The following MAP2K6 variants were observed in gnomAD, a reference collection of about 807,000 sequenced individuals.
MAP2K6 encodes mitogen-activated protein kinase kinase 6.
Under a neutral mutation model 53.7 loss-of-function variants are expected in MAP2K6, and 16 were observed. The observed-to-expected ratio is 0.30, with a 90% CI of 0.20 to 0.45. MAP2K6 has a LOEUF of 0.45. Among genes scored for constraint, MAP2K6 ranks in the 20% least tolerant of loss-of-function variants. The pLI is 1.00. For missense variants in MAP2K6, 204 were observed against 411.9 expected, an observed-to-expected ratio of 0.50 and a Z score of 4.37; for synonymous variants, 132 against 143.1, an observed-to-expected ratio of 0.92 and a Z score of 0.55.
chr17:69,510,807 T>C (rs1255764792), intron 2 of MAP2K6, among the ~76,000 whole-genome samples: 1 of 152,070 alleles, frequency 6.6e-6, no homozygotes, highest in East Asian at 1.9e-4. Context: ...CATCCTTTTT[T>C]TTTTTCCCTG....
In MAP2K6 at chr17:69,523,506, G is replaced by A. The variant is rs1186373928; in HGVS notation, c.536-8G>A. On this transcript the variant is annotated splice_polypyrimidine_tract_variant and splice_region_variant and intron_variant, in intron 7 of 11. Transcript: ENST00000590474. Reference sequence around the variant, plus strand: ...AAATGATGGCATCCTGGTTGTTTTCGCTTTCAGACGTCAAGCCTTCTAATG... The same window carrying A: ...AAATGATGGCATCCTGGTTGTTTTCACTTTCAGACGTCAAGCCTTCTAATG... The A allele has an allele frequency of 7.4e-6, 12 of 1,612,900 alleles. No homozygotes were observed. Among genetic ancestry groups the A allele is most frequent in the Admixed American group, 1.7e-5 (1 of 59,974 alleles).
chr17:69,505,717 C>G lies in MAP2K6; in HGVS notation c.17-63C>G, dbSNP rs528160593. ...GGTCAGCTCTTTCCTTTGCCGCAGT[C>G]TCTTTCTCTGCTATCTTGCTATGAT... On this transcript the variant is annotated intron_variant, in intron 1 of 11. Transcript: ENST00000590474. 5.2e-6 allele frequency: 7 copies of G among 1,345,848 alleles called. No homozygotes were observed. The African/African-American group carries it at 1.0e-4, about 19-fold the overall frequency. 83.4% of individuals were successfully genotyped at this position (1,345,848 alleles called of 1,614,324 possible). A position where few individuals can be genotyped will look rare whatever the true frequency, so the allele number is the denominator to read the frequency against.
rs1434777001 is a variant in MAP2K6, at chr17:69,547,547, T to A, written c.*5794T>A. The A allele has an allele frequency of 6.6e-6, 1 of 152,276 alleles. No homozygotes were observed. The highest frequency in any genetic ancestry group is 6.5e-5 in the Admixed American group (1 of 15,292). 9.4% of individuals were successfully genotyped at this position (152,276 alleles called of 1,614,324 possible). A position where few individuals can be genotyped will look rare whatever the true frequency, so the allele number is the denominator to read the frequency against. ...ATATAAAACTCTGATTAACTAGATA[T>A]GTAGAGTTCTTCCATTTTAGTGACT... On this transcript the variant is annotated 3_prime_UTR_variant, in exon 12 of 12. Coordinates refer to ENST00000590474, the MANE Select transcript of MAP2K6 (RefSeq NM_002758.4).
intron 1 of MAP2K6, among the ~76,000 whole-genome samples, chr17:69,436,031 A>C (rs78289620): frequency 1.3e-5 from 2 of 152,044 alleles, no homozygotes; most frequent in Non-Finnish European, 2.9e-5. Context: ...AAAAAAAAAA[A>C]AACAAATGTG....
intron 1 of MAP2K6, among the ~76,000 whole-genome samples, chr17:69,466,229 T>C (rs1270562470): frequency 6.7e-6 from 1 of 149,568 alleles, no homozygotes; most frequent in Admixed American, 6.7e-5. Flanking sequence ...GAGGCGGAGG[T>C]TGCAGTGAGC....
chr17:69,520,231 TCA>T, intron 5 of MAP2K6, 37 bp from the exon 6 acceptor site: 1 of 1,028,074 alleles, frequency 9.7e-7, no homozygotes, highest in Non-Finnish European at 1.5e-6. Flanking sequence ...TCTCCCTTTT[TCA>T]TCCTTTTAAA....
In MAP2K6 at chr17:69,542,353, C is replaced by T. The variant is rs1416600171; in HGVS notation, c.*600C>T. 6.6e-6 allele frequency: 1 copy of T among 152,544 alleles called. No individual in the cohort carries two copies. The highest frequency in any genetic ancestry group is 1.5e-5 in the Non-Finnish European group (1 of 68,030). The allele number at this position is 152,544 out of a possible 1,614,324, so 9.4% of individuals were successfully genotyped here. On this transcript the variant is annotated 3_prime_UTR_variant, in exon 12 of 12. Transcript: ENST00000590474. ...GAGCTCTTCTTGTGAAATGTCTGTT[C>T]CAGCTGTTGTGACTGCTGCCATTTT... is the stretch of plus-strand genomic sequence containing the variant.
Position 69,520,273 on chromosome 17 carries a change from G to C in MAP2K6, c.370G>C (p.Asp124His). The C allele has an allele frequency of 6.5e-7, 1 of 1,541,096 alleles. No homozygotes were observed. Among genetic ancestry groups the C allele is most frequent in the Non-Finnish European group, 8.9e-7 (1 of 1,123,002 alleles). Reference protein sequence around the residue: ...TFYGALFREGDVWICMELMDT... With the variant: ...TFYGALFREGHVWICMELMDT... ...TCCTGAAACAATTGGTCTCCAGGGT[G>C]ATGTGTGGATCTGCATGGAGCTCAT... The change falls in exon 6 of 12, where the codon GAT becomes CAT. Residue 124 changes from aspartate (D) to histidine (H), a missense_variant. Transcript: ENST00000590474.
intron 8 of MAP2K6, 132 bp from the exon 9 acceptor site, chr17:69,524,769 C>G: frequency 1.8e-6 from 1 of 570,616 alleles, no homozygotes; most frequent in East Asian, 2.9e-5. Context: ...GTCTTCTTGG[C>G]CTTGGTGGCA....
At chr17:69,419,913 C>CA (rs56888655) in intron 1 of MAP2K6, among the ~76,000 whole-genome samples, 25,327 of 137,358 alleles carry the variant, frequency 0.18, 2,446 homozygotes, top group East Asian at 0.43. Context: ...GACTTCATCT[C>CA]AAAAAAAAAA....
chr17:69,506,420 T>A (rs1235566251), intron 2 of MAP2K6, among the ~76,000 whole-genome samples: 5 of 151,830 alleles, frequency 3.3e-5, no homozygotes, highest in African/African-American at 9.7e-5. Context: ...TTTTTTTTTT[T>A]TTATTTTTAT....
intron 10 of MAP2K6, among the ~76,000 whole-genome samples, chr17:69,531,860 C>G (rs188680090): frequency 1.3e-5 from 2 of 152,234 alleles, no homozygotes; most frequent in East Asian, 3.9e-4. Flanking sequence ...TGAGATTCAT[C>G]ATAGAGAAGT....
chr17:69,441,386 C>T (rs1293764187), intron 1 of MAP2K6, among the ~76,000 whole-genome samples: 1 of 151,984 alleles, frequency 6.6e-6, no homozygotes, highest in Non-Finnish European at 1.5e-5. Flanking sequence ...TATTGATTCT[C>T]TGCTTTGTAT....
intron 1 of MAP2K6, among the ~76,000 whole-genome samples, chr17:69,481,819 C>G (rs1253603881): frequency 1.3e-5 from 2 of 152,140 alleles, no homozygotes; most frequent in African/African-American, 4.8e-5. Context: ...AAATAAAATG[C>G]TGTTCTGAAG....
At chr17:69,486,580 GC>G (rs1383132081) in intron 1 of MAP2K6, among the ~76,000 whole-genome samples, 3 of 152,120 alleles carry the variant, frequency 2.0e-5, no homozygotes, top group Non-Finnish European at 2.9e-5. Flanking sequence ...GGGACTAAGA[GC>G]CCTTTACTTT....
intron 8 of MAP2K6, among the ~76,000 whole-genome samples, chr17:69,524,174 A>G (rs1167450937): frequency 6.6e-6 from 1 of 152,138 alleles, no homozygotes; most frequent in East Asian, 1.9e-4. Flanking sequence ...TGGGGCACAG[A>G]CATAGTTATA....
intron 2 of MAP2K6, among the ~76,000 whole-genome samples, chr17:69,511,934 G>A (rs895633134): frequency 2.6e-5 from 4 of 152,150 alleles, no homozygotes; most frequent in Non-Finnish European, 4.4e-5. Context: ...AGCCGAGATC[G>A]TGCCATTGCA....
Position 69,546,496 on chromosome 17 carries a change from G to C in MAP2K6, c.*4743G>C, listed in dbSNP as rs1311251226. The C allele has an allele frequency of 6.6e-6, 1 of 152,034 alleles. No homozygotes were observed. Among genetic ancestry groups the C allele is most frequent in the African/African-American group, 2.4e-5 (1 of 41,380 alleles). 9.4% of individuals were successfully genotyped at this position (152,034 alleles called of 1,614,324 possible). On this transcript the variant is annotated 3_prime_UTR_variant, in exon 12 of 12. Coordinates refer to ENST00000590474, the MANE Select transcript of MAP2K6 (RefSeq NM_002758.4). ...CACTAAAATGTCTTTGTTGACCAAG[G>C]GGCTTTATTAATTATGCTCAGAGAA...
chr17:69,420,668 T>C (rs1051147586), intron 1 of MAP2K6, among the ~76,000 whole-genome samples: 1 of 152,258 alleles, frequency 6.6e-6, no homozygotes, highest in Non-Finnish European at 1.5e-5. Flanking sequence ...AAGTCAGATC[T>C]ACAGATTCTC....
Sources: allele counts gnomAD v4.1 joint callset (sites outside exome capture counted in the v4.1 genomes callset), GRCh38; gene constraint gnomAD v4.1.1; transcripts MANE v1.5; gene names NCBI Gene and HGNC (gene_info 2026-07-23, HGNC 2026-07-21).